The following DACH1 variants were observed in gnomAD, a reference collection of about 807,000 sequenced individuals.
DACH1 encodes dachshund homolog 1.
DACH1 carries 12 observed loss-of-function variants against 54.2 expected under a neutral mutation model. That is an observed-to-expected ratio of 0.22 (90% CI 0.14 to 0.36). The LOEUF is 0.36. Among genes scored for constraint, DACH1 ranks in the 10% least tolerant of loss-of-function variants. DACH1 has a pLI of 1.00. For missense variants in DACH1, 805 were observed against 929.8 expected (o/e 0.87, Z 1.75); for synonymous variants, 386 against 366.2 (o/e 1.05, Z -0.62).
chr13:71,701,017 A>G (rs192845879), intron 1 of DACH1, among the ~76,000 whole-genome samples: 1 of 152,286 alleles, frequency 6.6e-6, no homozygotes, highest in Non-Finnish European at 1.5e-5. Context: ...CTTTTTTAAA[A>G]TTTAAAATCT....
chr13:71,708,185 T>C lies in DACH1; in HGVS notation c.849-26275A>G, dbSNP rs2192996. Among the ~76,000 whole-genome samples the C allele has an allele frequency of 7.5e-3, 1,144 of 151,656 alleles. 16 individuals carry two copies. The highest frequency in any genetic ancestry group is 0.026 in the African/African-American group (1,083 of 41,396). ...GGGTGCATTTGAAATATATAGTCTC[T>C]TCTGCATGGCTTATTCCTGTGCCTC... On this transcript the variant is annotated intron_variant, in intron 1 of 10. Transcript: ENST00000613252.
At chr13:71,560,373 A>G (rs1407006536) in intron 4 of DACH1, among the ~76,000 whole-genome samples, 1 of 152,212 alleles carries the variant, frequency 6.6e-6, no homozygotes, top group East Asian at 1.9e-4. Flanking sequence ...TAAACACATT[A>G]TCAACATGAC....
intron 3 of DACH1, among the ~76,000 whole-genome samples, chr13:71,587,139 C>T (rs1873342331): frequency 6.6e-6 from 1 of 151,992 alleles, no homozygotes; most frequent in African/African-American, 2.4e-5. Flanking sequence ...TGAGTTTGTC[C>T]TTTATGTATA....
chr13:71,677,170 A>T (rs1880623041), intron 2 of DACH1, among the ~76,000 whole-genome samples: 1 of 152,194 alleles, frequency 6.6e-6, no homozygotes, highest in African/African-American at 2.4e-5. Context: ...TTTTAAATAG[A>T]CGTCATCTTA....
intron 6 of DACH1, among the ~76,000 whole-genome samples, chr13:71,537,782 G>C (rs1487627881): frequency 6.6e-6 from 1 of 152,052 alleles, no homozygotes; most frequent in East Asian, 1.9e-4. Flanking sequence ...CTTGTTGTCT[G>C]TATTTCCAAT....
At chr13:71,609,751 T>A (rs972776887) in intron 3 of DACH1, among the ~76,000 whole-genome samples, 1 of 152,078 alleles carries the variant, frequency 6.6e-6, no homozygotes, top group Non-Finnish European at 1.5e-5. Context: ...GGTCTCGAAC[T>A]CCAGACCTCA....
Position 71,814,071 on chromosome 13 carries a change from A to G in DACH1, c.848+51851T>C, listed in dbSNP as rs562114016. On this transcript the variant is annotated intron_variant, in intron 1 of 10. Coordinates refer to ENST00000613252, the MANE Select transcript of DACH1 (RefSeq NM_080759.6). ...TATGAGCCTGTCAACAAATGTAGTG[A>G]CTGGCCTTATCTGTTGGCAGAAAGT... Among the ~76,000 whole-genome samples the G allele has an allele frequency of 3.4e-4, 52 of 152,338 alleles. 1 individual carries two copies. Among genetic ancestry groups the G allele is most frequent in the African/African-American group, 1.2e-3 (49 of 41,586 alleles).
intron 6 of DACH1, among the ~76,000 whole-genome samples, chr13:71,552,842 TA>T (rs1883958552): frequency 8.0e-5 from 1 of 12,538 alleles, no homozygotes; most frequent in Non-Finnish European, 1.4e-4. Flanking sequence ...TATATATATA[TA>T]GAGAGAGAGA....
At chr13:71,636,538 A>G (rs1199171983) in intron 2 of DACH1, among the ~76,000 whole-genome samples, 1 of 147,140 alleles carries the variant, frequency 6.8e-6, no homozygotes, top group African/African-American at 2.6e-5. Flanking sequence ...GAACAAAACA[A>G]CACAAAGTAA....
chr13:71,536,799 A>T (rs114642573), intron 6 of DACH1, among the ~76,000 whole-genome samples: 143 of 152,112 alleles, frequency 9.4e-4, no homozygotes, highest in Middle Eastern at 3.4e-3. Flanking sequence ...TCCTTTCCCC[A>T]TTATCAAATT....
At chr13:71,502,079 C>T (rs1879965303) in intron 6 of DACH1, among the ~76,000 whole-genome samples, 1 of 152,094 alleles carries the variant, frequency 6.6e-6, no homozygotes, top group African/African-American at 2.4e-5. Flanking sequence ...TTAATATGTG[C>T]ATTCAAGTTT....
intron 6 of DACH1, among the ~76,000 whole-genome samples, chr13:71,551,570 A>C (rs1328269103): frequency 6.6e-6 from 1 of 152,096 alleles, no homozygotes; most frequent in East Asian, 1.9e-4. Context: ...TACTTGGCTT[A>C]TCTCACGTAA....
chr13:71,648,622 TG>T (rs1048312877), intron 2 of DACH1, among the ~76,000 whole-genome samples: 8 of 152,214 alleles, frequency 5.3e-5, no homozygotes, highest in African/African-American at 1.9e-4. Context: ...CTAAGAGCTG[TG>T]TTCCAATCCC....
At chr13:71,739,262 A>G (rs980540047) in intron 1 of DACH1, among the ~76,000 whole-genome samples, 4 of 152,132 alleles carry the variant, frequency 2.6e-5, no homozygotes, top group Non-Finnish European at 5.9e-5. Context: ...CAATTCAAAA[A>G]AAAGAAAAAA....
chr13:71,838,002 G>T (rs1417094359), intron 1 of DACH1, among the ~76,000 whole-genome samples: 1 of 83,116 alleles, frequency 1.2e-5, no homozygotes, highest in Non-Finnish European at 2.2e-5. Context: ...TGGGGACTGT[G>T]GTGGGGAGGG....
chr13:71,815,001 C>T (rs1326772783), intron 1 of DACH1, among the ~76,000 whole-genome samples: 1 of 152,076 alleles, frequency 6.6e-6, no homozygotes, highest in Admixed American at 6.6e-5. Flanking sequence ...GTAAACTAAA[C>T]GGGTGGGGAG....
intron 1 of DACH1, among the ~76,000 whole-genome samples, chr13:71,695,921 G>C (rs548568155): frequency 6.6e-6 from 1 of 152,194 alleles, no homozygotes; most frequent in East Asian, 1.9e-4. Context: ...TTCACAGATG[G>C]GCCATGTGTG....
At chr13:71,823,748 A>G (rs1888281268) in intron 1 of DACH1, among the ~76,000 whole-genome samples, 1 of 152,012 alleles carries the variant, frequency 6.6e-6, no homozygotes, top group Admixed American at 6.6e-5. Flanking sequence ...TTCAATGACA[A>G]CCTCGTTATA....
At chr13:71,585,011 GT>G (rs1873131313) in intron 3 of DACH1, among the ~76,000 whole-genome samples, 2 of 152,006 alleles carry the variant, frequency 1.3e-5, no homozygotes, top group Admixed American at 6.6e-5. Flanking sequence ...TTATTTTTCT[GT>G]ATATATTTGA....
Sources: gnomAD v4.1 joint callset for allele counts (sites outside exome capture counted in the v4.1 genomes callset) on GRCh38, gnomAD v4.1.1 for gene constraint, MANE v1.5 for transcripts, NCBI Gene and HGNC (gene_info 2026-07-23, HGNC 2026-07-21) for gene names.